The following TAX1BP3 variants were observed in gnomAD, a reference collection of about 807,000 sequenced individuals.
The protein encoded by TAX1BP3 is tax1-binding protein 3.
A neutral mutation model predicts 15.3 loss-of-function variants in TAX1BP3; 13 were observed. That is an observed-to-expected ratio of 0.85 (90% CI 0.55 to 1.35). TAX1BP3 has a LOEUF of 1.35. TAX1BP3 is among the 40% of genes most tolerant of loss of function. The pLI is 0.00. For missense variants in TAX1BP3, 147 were observed against 169.6 expected (o/e 0.87, Z 0.74); for synonymous variants, 70 against 66.0 (o/e 1.06, Z -0.30).
Position 3,663,617 on chromosome 17 carries a change from G to T in TAX1BP3, c.*131C>A. ...GAGAAGGGAAGGAAGGCCAGGCCAGGCCTCTGGGACCAGCTATAGCCCTTC... is the reference window on the plus strand; with the variant it reads ...GAGAAGGGAAGGAAGGCCAGGCCAGTCCTCTGGGACCAGCTATAGCCCTTC... On this transcript the variant is annotated 3_prime_UTR_variant, in exon 4 of 4. Transcript: ENST00000225525. 7.4e-7 allele frequency: 1 copy of T among 1,346,382 alleles called. No individual in the cohort carries two copies. Among genetic ancestry groups the T allele is most frequent in the Non-Finnish European group, 9.8e-7 (1 of 1,025,564 alleles). 83.4% of individuals were successfully genotyped at this position (1,346,382 alleles called of 1,614,324 possible). A position where few individuals can be genotyped will look rare whatever the true frequency, so the allele number is the denominator to read the frequency against.
intron 1 of TAX1BP3, 107 bp from the exon 2 acceptor site, chr17:3,664,905 C>T (rs1466970213): frequency 6.7e-7 from 1 of 1,481,792 alleles, no homozygotes; most frequent in Non-Finnish European, 9.0e-7. Flanking sequence ...GGGTCCCAGG[C>T]CCCTGCAGGA....
chr17:3,667,275 G>A (rs1237845589), intron 1 of TAX1BP3, among the ~76,000 whole-genome samples: 2 of 151,530 alleles, frequency 1.3e-5, no homozygotes, highest in African/African-American at 4.9e-5. Flanking sequence ...CCCAGGAGGC[G>A]GAGGTTGCAA....
At chr17:3,665,838 G>A (rs2076335923) in intron 1 of TAX1BP3, 2 of 614,028 alleles carry the variant, frequency 3.3e-6, no homozygotes, top group African/African-American at 3.7e-5. Context: ...TCGTGAGACT[G>A]GAGTGTCCAG....
intron 1 of TAX1BP3, chr17:3,665,257 A>G (rs1005488517): frequency 6.5e-6 from 9 of 1,386,990 alleles, no homozygotes; most frequent in African/African-American, 2.9e-5. Flanking sequence ...GGCACCGGAT[A>G]TATGTTCTCT....
chr17:3,663,687 T>A lies in TAX1BP3; in HGVS notation c.*61A>T. On this transcript the variant is annotated 3_prime_UTR_variant, in exon 4 of 4. Coordinates refer to ENST00000225525, the MANE Select transcript of TAX1BP3 (RefSeq NM_014604.4). ...CAGCAGAAGCCAGATGGGGACAGAGTGTGGAAGTGGCGTTACTGTACAGAG... is the reference window on the plus strand; with the variant it reads ...CAGCAGAAGCCAGATGGGGACAGAGAGTGGAAGTGGCGTTACTGTACAGAG... 1 of 1,551,208 alleles carries A rather than the reference T, an allele frequency of 6.4e-7. No individual in the cohort carries two copies. Among genetic ancestry groups the A allele is most frequent in the South Asian group, 1.2e-5 (1 of 83,298 alleles).
In TAX1BP3 at chr17:3,663,693, A is replaced by G. The variant is rs558916688; in HGVS notation, c.*55T>C. The G allele has an allele frequency of 7.7e-6, 12 of 1,561,848 alleles. No homozygotes were observed. In the East Asian group the frequency reaches 1.1e-4, roughly 15 times the overall value. Reference sequence around the variant, plus strand: ...AAGCCAGATGGGGACAGAGTGTGGAAGTGGCGTTACTGTACAGAGAGGCGG... The same window carrying G: ...AAGCCAGATGGGGACAGAGTGTGGAGGTGGCGTTACTGTACAGAGAGGCGG... On this transcript the variant is annotated 3_prime_UTR_variant, in exon 4 of 4. Coordinates refer to ENST00000225525, the MANE Select transcript of TAX1BP3 (RefSeq NM_014604.4).
chr17:3,665,720 AAAAT>A lies in TAX1BP3; in HGVS notation c.40-926_40-923del, dbSNP rs1597676085. 39 of 705,168 alleles carry A rather than the reference AAAAT, an allele frequency of 5.5e-5. No individual in the cohort carries two copies. The East Asian group carries it at 9.8e-4, about 18-fold the overall frequency. The allele number at this position is 705,168 out of a possible 1,614,324, so 43.7% of individuals were successfully genotyped here. A position where few individuals can be genotyped will look rare whatever the true frequency, so the allele number is the denominator to read the frequency against. On this transcript the variant is annotated intron_variant, in intron 1 of 3. Transcript: ENST00000225525. The stretch of plus-strand genomic sequence containing the variant: ...TGGCATAATAGGTGTTAAACAAAAA[AAAAT>A]AAAGGATCTCTGGGCTCCAAAAAAA...
Position 3,668,577 on chromosome 17 carries a change from G to C in TAX1BP3, c.-51C>G, listed in dbSNP as rs369586532. 2 of 1,563,086 alleles carry C rather than the reference G, an allele frequency of 1.3e-6. No homozygotes were observed. Among genetic ancestry groups the C allele is most frequent in the African/African-American group, 1.4e-5 (1 of 72,374 alleles). ...GCCGCTCCGAGAAGCCGGCAGCAGA[G>C]TACCCGCGGTCGCGCCCTCGCTGCT... On this transcript the variant is annotated 5_prime_UTR_variant, in exon 1 of 4. Coordinates refer to ENST00000225525, the MANE Select transcript of TAX1BP3 (RefSeq NM_014604.4). The surrounding 1 kb of genome is among the most constrained non-coding windows in gnomAD (Gnocchi z 4.1).
chr17:3,666,898 C>T (rs1455756769), intron 1 of TAX1BP3, among the ~76,000 whole-genome samples: 1 of 152,214 alleles, frequency 6.6e-6, no homozygotes, highest in Non-Finnish European at 1.5e-5. Context: ...CAGAAGATTA[C>T]AGGCCCTTGG....
In TAX1BP3 at chr17:3,663,744, G is replaced by A; in HGVS notation, c.*4C>T. On this transcript the variant is annotated 3_prime_UTR_variant, in exon 4 of 4. Coordinates refer to ENST00000225525, the MANE Select transcript of TAX1BP3 (RefSeq NM_014604.4). Reference sequence around the variant, plus strand: ...CAGGCAGGAGTCGCAGATGGTGGTGGCTGCTAGGACAGCATGGACTGCTGC... The same window carrying A: ...CAGGCAGGAGTCGCAGATGGTGGTGACTGCTAGGACAGCATGGACTGCTGC... 6.3e-7 allele frequency: 1 copy of A among 1,594,976 alleles called. No homozygotes were observed. Among genetic ancestry groups the A allele is most frequent in the Non-Finnish European group, 8.5e-7 (1 of 1,172,256 alleles).
intron 1 of TAX1BP3, among the ~76,000 whole-genome samples, chr17:3,667,341 A>C (rs2076352420): frequency 1.9e-5 from 2 of 105,198 alleles, no homozygotes; most frequent in Admixed American, 1.7e-4. Flanking sequence ...AGACTGTCTC[A>C]AAAAAAAAAA....
Position 3,663,708 on chromosome 17 carries a change from CAG to C in TAX1BP3, c.*38_*39del. The stretch of plus-strand genomic sequence containing the variant: ...AGAGTGTGGAAGTGGCGTTACTGTA[CAG>C]AGAGGCGGCAGGCAGGAGTCGCAGA... On this transcript the variant is annotated 3_prime_UTR_variant, in exon 4 of 4. Coordinates refer to ENST00000225525, the MANE Select transcript of TAX1BP3 (RefSeq NM_014604.4). 2 of 1,583,666 alleles carry C rather than the reference CAG, an allele frequency of 1.3e-6. No homozygotes were observed. Among genetic ancestry groups the C allele is most frequent in the Non-Finnish European group, 8.6e-7 (1 of 1,167,626 alleles).
At chr17:3,664,512 C>CTCA in intron 2 of TAX1BP3, 167 bp downstream of exon 2, 1 of 1,085,838 alleles carries the variant, frequency 9.2e-7, no homozygotes, top group South Asian at 1.4e-5. Flanking sequence ...GCAGCCCTTC[C>CTCA]TCACCCCACC....
Position 3,664,178 on chromosome 17 carries a change from T to C in TAX1BP3, c.237+17A>G. ...CTTGCCCAAACCTTGTTTCTCCTCC[T>C]TTGGGACACCTGTTACCTGCATGAT... On this transcript the variant is annotated intron_variant, in intron 3 of 3. Coordinates refer to ENST00000225525, the MANE Select transcript of TAX1BP3 (RefSeq NM_014604.4). 6.2e-7 allele frequency: 1 copy of C among 1,614,064 alleles called. No individual in the cohort carries two copies. Among genetic ancestry groups the C allele is most frequent in the Non-Finnish European group, 8.5e-7 (1 of 1,180,018 alleles).
rs2076322269 is a variant in TAX1BP3, at chr17:3,664,922, C to G, written c.40-124G>C. 4 of 1,393,150 alleles carry G rather than the reference C, an allele frequency of 2.9e-6. No individual in the cohort carries two copies. The East Asian group carries it at 9.2e-5, about 32-fold the overall frequency. The allele number at this position is 1,393,150 out of a possible 1,614,324, so 86.3% of individuals were successfully genotyped here. On this transcript the variant is annotated intron_variant, in intron 1 of 3. Transcript: ENST00000225525. The stretch of plus-strand genomic sequence containing the variant: ...GTCCCAGGCCCCTGCAGGAATCCAG[C>G]TGCTCACCAGCCTGGGAGGCTGAGG...
intron 1 of TAX1BP3, chr17:3,665,240 G>A (rs2076326457): frequency 1.4e-6 from 2 of 1,386,046 alleles, no homozygotes; most frequent in Admixed American, 1.7e-5. Context: ...CAAAGGGAAA[G>A]AGGAGAGGCA....
chr17:3,667,588 C>CAGTA (rs2076355864), intron 1 of TAX1BP3, among the ~76,000 whole-genome samples: 1 of 152,162 alleles, frequency 6.6e-6, no homozygotes, highest in African/African-American at 2.4e-5. Context: ...TTCGCTTGAC[C>CAGTA]TACTGCCCAC....
chr17:3,663,871 G>C lies in TAX1BP3; in HGVS notation c.252C>G (p.Asp84Glu). Residue 84 changes from aspartate to glutamate, a missense_variant, in exon 4 of 4, where the codon GAC becomes GAG. Coordinates refer to ENST00000225525, the MANE Select transcript of TAX1BP3 (RefSeq NM_014604.4). ...GDKIMQVNGWDMTMVTHDQAR... is the reference protein window; with the variant it reads ...GDKIMQVNGWEMTMVTHDQAR... ...CCTGGTCGTGTGTGACCATGGTCAT[G>C]TCCCAGCCGTTCACCTGGCCCCAGG... 6.2e-7 allele frequency: 1 copy of C among 1,608,336 alleles called. No individual in the cohort carries two copies. Among genetic ancestry groups the C allele is most frequent in the Non-Finnish European group, 8.5e-7 (1 of 1,179,750 alleles).
At chr17:3,664,412 C>A in intron 2 of TAX1BP3, 140 bp from the exon 3 acceptor site, 1 of 1,109,906 alleles carries the variant, frequency 9.0e-7, no homozygotes, top group South Asian at 1.4e-5. Context: ...TCAGTGAGGA[C>A]TGTTCTGAGA....
Sources: allele counts gnomAD v4.1 joint callset (sites outside exome capture counted in the v4.1 genomes callset), GRCh38; gene constraint gnomAD v4.1.1; non-coding constraint Gnocchi (gnomAD v3.1); transcripts MANE v1.5; gene names NCBI Gene and HGNC (gene_info 2026-07-23, HGNC 2026-07-21).